Variants in PTPRT observed in about 807,000 individuals in gnomAD.
PTPRT encodes the protein receptor-type tyrosine-protein phosphatase T.
In PTPRT, 56 loss-of-function variants were observed where a neutral mutation model predicts 176.8. That is an observed-to-expected ratio of 0.32 (90% CI 0.26 to 0.40). The LOEUF (loss-of-function observed/expected upper bound fraction) is 0.40, where lower values mean the gene tolerates loss of function less well. Ranked by LOEUF, PTPRT falls within the 10% of genes least tolerant of loss-of-function variation. The pLI, the probability that PTPRT is intolerant of heterozygous loss-of-function variation, is 1.00. For missense variants in PTPRT, 1,540 were observed against 1,908.2 expected (o/e 0.81, Z 3.60); for synonymous variants, 783 against 739.0 (o/e 1.06, Z -0.96).
At chr20:42,046,934 CT>C in the PTPRT span, among the ~76,000 whole-genome samples, 1 of 152,192 alleles carries the variant, frequency 6.6e-6, no homozygotes, top group Admixed American at 6.5e-5. Context: ...GCCATGACAG[CT>C]GGCACCCAGC....
chr20:42,249,860 T>C (rs2056520261), intron 13 of PTPRT, among the ~76,000 whole-genome samples: 1 of 152,240 alleles, frequency 6.6e-6, no homozygotes, highest in African/African-American at 2.4e-5. Context: ...TCAGACATTC[T>C]AGAGAGTAGT....
intron 11 of PTPRT, among the ~76,000 whole-genome samples, chr20:42,338,143 C>T (rs2058065965): frequency 6.6e-6 from 1 of 152,158 alleles, no homozygotes; most frequent in Non-Finnish European, 1.5e-5. Flanking sequence ...ATTAGGAATT[C>T]TTCAATTCAG....
In PTPRT at chr20:42,840,445, C is replaced by T. The variant is rs139793052; in HGVS notation, c.214+45362G>A. 2.0e-4 allele frequency among the ~76,000 whole-genome samples: 30 copies of T among 152,196 alleles called. No individual in the cohort carries two copies. In the East Asian group the frequency reaches 5.4e-3, roughly 27 times the overall value. On this transcript the variant is annotated intron_variant, in intron 2 of 30. Coordinates refer to ENST00000373187, the MANE Select transcript of PTPRT (RefSeq NM_007050.6). ...TTTTGGTGTGTGACACTGAGTCTCA[C>T]TCTGTTGTCCAGGCTGGAGTGCAAT...
intron 6 of PTPRT, among the ~76,000 whole-genome samples, chr20:42,747,474 G>T (rs1408930085): frequency 2.6e-5 from 4 of 152,132 alleles, no homozygotes; most frequent in African/African-American, 9.7e-5. Context: ...ATAGTGACAA[G>T]ATCTAGGAGG....
At chr20:43,159,320 G>A (rs2014618919) in intron 1 of PTPRT, among the ~76,000 whole-genome samples, 1 of 152,198 alleles carries the variant, frequency 6.6e-6, no homozygotes, top group African/African-American at 2.4e-5. Flanking sequence ...TTGGAAGTCG[G>A]CTGGTGCATA....
At position 42,315,612 on chromosome 20, in the gene PTPRT, C is replaced by A. The variant is rs924331718; in HGVS notation, c.2139+111G>T. 8.7e-5 allele frequency: 111 copies of A among 1,280,920 alleles called. 1 individual carries two copies. The highest frequency in any genetic ancestry group is 1.2e-4 in the Non-Finnish European group (108 of 930,302). 79.3% of individuals were successfully genotyped at this position (1,280,920 alleles called of 1,614,324 possible). On this transcript the variant is annotated intron_variant, in intron 12 of 30. Transcript: ENST00000373187. ...ATTTAAAGGCATGAGGTAGGATTTGCCCCACGGGCCTTAGTTTTTCATCCT... is the reference window on the plus strand; with the variant it reads ...ATTTAAAGGCATGAGGTAGGATTTGACCCACGGGCCTTAGTTTTTCATCCT...
At chr20:42,374,279 T>A (rs889359209) in intron 9 of PTPRT, among the ~76,000 whole-genome samples, 4 of 152,152 alleles carry the variant, frequency 2.6e-5, no homozygotes, top group African/African-American at 9.7e-5. Context: ...TCAGGTGTGG[T>A]CTGTGGACAA....
rs141691177 is a variant in PTPRT at position 43,126,178 on chromosome 20, C to T, written c.88+63468G>A. 1.1e-3 allele frequency among the ~76,000 whole-genome samples: 170 copies of T among 152,000 alleles called. 2 individuals carry two copies. The highest frequency in any genetic ancestry group is 4.0e-3 in the African/African-American group (164 of 41,454). ...ACCAGCCTGACCAACATGGTGAAAC[C>T]CCGTCTCTATAAAAACACAAAAAAT... On this transcript the variant is annotated intron_variant, in intron 1 of 30. Coordinates refer to ENST00000373187, the MANE Select transcript of PTPRT (RefSeq NM_007050.6).
intron 2 of PTPRT, among the ~76,000 whole-genome samples, chr20:42,832,552 A>G (rs1194749093): frequency 6.6e-6 from 1 of 150,488 alleles, no homozygotes; most frequent in Non-Finnish European, 1.5e-5. Flanking sequence ...TAGAGAGAAG[A>G]GATTTTATCC....
intron 1 of PTPRT, among the ~76,000 whole-genome samples, chr20:43,141,677 A>G (rs978753373): frequency 6.6e-6 from 1 of 152,204 alleles, no homozygotes; most frequent in African/African-American, 2.4e-5. Flanking sequence ...TGGTAAGGGG[A>G]AGAATTAATG....
intron 1 of PTPRT, among the ~76,000 whole-genome samples, chr20:42,918,107 C>T (rs1978900567): frequency 6.6e-6 from 1 of 152,072 alleles, no homozygotes; most frequent in South Asian, 2.1e-4. Context: ...AGTTCAGGGG[C>T]AGTAAGAGCT....
chr20:42,991,343 A>G (rs1431434861), intron 1 of PTPRT, among the ~76,000 whole-genome samples: 7 of 152,154 alleles, frequency 4.6e-5, no homozygotes, highest in Non-Finnish European at 7.3e-5. Flanking sequence ...TACATTATCT[A>G]TCACAACTGC....
chr20:42,568,930 T>G (rs1402114786), intron 7 of PTPRT, among the ~76,000 whole-genome samples: 1 of 150,214 alleles, frequency 6.7e-6, no homozygotes, highest in Non-Finnish European at 1.5e-5. Context: ...ATGTCTGTAG[T>G]CCCAGCTACT....
Position 43,162,209 on chromosome 20 carries a change from T to C in PTPRT, c.88+27437A>G, listed in dbSNP as rs576862566. On this transcript the variant is annotated intron_variant, in intron 1 of 30. Transcript: ENST00000373187. ...GGCAAGAGTTAAACTTTTCACAAAA[T>C]AGCATTAGCTGGGATTGGAGAATAA... Among the ~76,000 whole-genome samples, 11 of 152,352 alleles carry C rather than the reference T, an allele frequency of 7.2e-5. No individual in the cohort carries two copies. The South Asian group carries it at 1.9e-3, about 26-fold the overall frequency.
Position 42,110,407 on chromosome 20 carries a change from A to C in PTPRT, c.3180T>G (p.Thr1060=), listed in dbSNP as rs554327127. Residue 1060 remains threonine, a synonymous_variant, in exon 23 of 31, where the codon ACT becomes ACG. Transcript: ENST00000373187. ...CCTGGCGGACGAAGCCCAGAAGGCCAGTGGCATAGCAGGGAACGCCGTGGT... is the reference window on the plus strand; with the variant it reads ...CCTGGCGGACGAAGCCCAGAAGGCCCGTGGCATAGCAGGGAACGCCGTGGT... ...WPDHGVPCYA[T]GLLGFVRQVK... The C allele has an allele frequency of 6.2e-7, 1 of 1,612,902 alleles. No homozygotes were observed. Among genetic ancestry groups the C allele is most frequent in the Non-Finnish European group, 8.5e-7 (1 of 1,179,060 alleles).
intron 2 of PTPRT, among the ~76,000 whole-genome samples, chr20:42,797,524 A>C: frequency 6.6e-6 from 1 of 151,490 alleles, no homozygotes; most frequent in Admixed American, 6.6e-5. Flanking sequence ...CTCTTATATG[A>C]AGACTATCTC....
At chr20:42,491,111 C>A (rs2071555424) in intron 7 of PTPRT, among the ~76,000 whole-genome samples, 1 of 151,750 alleles carries the variant, frequency 6.6e-6, no homozygotes, top group Non-Finnish European at 1.5e-5. Context: ...TGGGATAAGC[C>A]CCATATAATT....
At chr20:42,256,768 G>A (rs920419755) in intron 13 of PTPRT, among the ~76,000 whole-genome samples, 14 of 152,152 alleles carry the variant, frequency 9.2e-5, no homozygotes, top group Non-Finnish European at 2.1e-4. Context: ...GAAACTCAGA[G>A]GGTGGTAGTA....
At chr20:42,504,767 T>G (rs1169354439) in intron 7 of PTPRT, among the ~76,000 whole-genome samples, 1 of 152,202 alleles carries the variant, frequency 6.6e-6, no homozygotes, top group East Asian at 1.9e-4. Flanking sequence ...TGAAAATTCT[T>G]TCTCACATCT....
Sources: allele counts gnomAD v4.1 joint callset (sites outside exome capture counted in the v4.1 genomes callset), GRCh38; gene constraint gnomAD v4.1.1; transcripts MANE v1.5; gene names NCBI Gene and HGNC (gene_info 2026-07-23, HGNC 2026-07-21).